The following CSNK2A2IP variants were observed in gnomAD, a reference collection of about 807,000 sequenced individuals.
CSNK2A2IP encodes the protein casein kinase II subunit alpha'-interacting protein.
At chr3:88,451,852 T>C in the CSNK2A2IP span, among the ~76,000 whole-genome samples, 1 of 152,030 alleles carries the variant, frequency 6.6e-6, no homozygotes, top group African/African-American at 2.4e-5. Context: ...TGTCTTTCAT[T>C]CCCTTCCTTA....
chr3:88,425,619 GC>G, the CSNK2A2IP span, among the ~76,000 whole-genome samples: 1 of 152,032 alleles, frequency 6.6e-6, no homozygotes, highest in South Asian at 2.1e-4. Context: ...TAGTGTAAAT[GC>G]CCAGACATGA....
chr3:88,354,876 CTT>C, the CSNK2A2IP span, among the ~76,000 whole-genome samples: 1 of 152,032 alleles, frequency 6.6e-6, no homozygotes, highest in Non-Finnish European at 1.5e-5. Context: ...AGAGAGATCT[CTT>C]GATGTCAAGG....
At chr3:88,426,711 G>A in the CSNK2A2IP span, among the ~76,000 whole-genome samples, 11 of 152,114 alleles carry the variant, frequency 7.2e-5, no homozygotes, top group Admixed American at 7.2e-4. Flanking sequence ...CTGCCATCAT[G>A]TGAAGAAGGA....
chr3:88,368,831 C>T, the CSNK2A2IP span, among the ~76,000 whole-genome samples: 1 of 152,022 alleles, frequency 6.6e-6, no homozygotes, highest in Non-Finnish European at 1.5e-5. Context: ...AGATCTTCCT[C>T]ATTCAAGTTT....
At chr3:88,407,399 G>C in the CSNK2A2IP span, among the ~76,000 whole-genome samples, 4 of 151,642 alleles carry the variant, frequency 2.6e-5, no homozygotes, top group Admixed American at 2.0e-4. Flanking sequence ...TGTTTTTATG[G>C]ATTGATACAA....
chr3:88,427,050 A>AAGAC, the CSNK2A2IP span, among the ~76,000 whole-genome samples: 8 of 152,164 alleles, frequency 5.3e-5, no homozygotes, highest in African/African-American at 1.9e-4. Flanking sequence ...GAGGGCTCAG[A>AAGAC]AGACAGAAAG....
the CSNK2A2IP span, among the ~76,000 whole-genome samples, chr3:88,352,887 G>A: frequency 6.6e-6 from 1 of 152,118 alleles, no homozygotes; most frequent in Non-Finnish European, 1.5e-5. Context: ...TGATATTGAG[G>A]TGTAAAACAA....
the CSNK2A2IP span, among the ~76,000 whole-genome samples, chr3:88,402,024 C>CTT: frequency 8.6e-5 from 12 of 140,256 alleles, no homozygotes; most frequent in African/African-American, 1.8e-4. Context: ...TCTGCTATGT[C>CTT]TTTTTTTTTT....
chr3:88,370,419 T>C, the CSNK2A2IP span, among the ~76,000 whole-genome samples: 3 of 151,880 alleles, frequency 2.0e-5, no homozygotes, highest in African/African-American at 7.2e-5. Flanking sequence ...GAAGTAATTT[T>C]TGCGTAAGAT....
At chr3:88,377,414 G>C in the CSNK2A2IP span, among the ~76,000 whole-genome samples, 1 of 151,386 alleles carries the variant, frequency 6.6e-6, no homozygotes, top group African/African-American at 2.4e-5. Flanking sequence ...ACATTTGTCT[G>C]CTTCTCTACA....
chr3:88,342,447 A>T, the CSNK2A2IP span, among the ~76,000 whole-genome samples: 1 of 151,570 alleles, frequency 6.6e-6, no homozygotes, highest in Admixed American at 6.6e-5. Flanking sequence ...TCTCACTTCC[A>T]TTTTCTGTAG....
At chr3:88,430,433 A>G in the CSNK2A2IP span, among the ~76,000 whole-genome samples, 1 of 152,138 alleles carries the variant, frequency 6.6e-6, no homozygotes, top group Non-Finnish European at 1.5e-5. Flanking sequence ...TACTATACAT[A>G]TAACAAGATA....
chr3:88,394,588 G>A, the CSNK2A2IP span, among the ~76,000 whole-genome samples: 1 of 152,138 alleles, frequency 6.6e-6, no homozygotes, highest in Non-Finnish European at 1.5e-5. Flanking sequence ...TGGCTAGGCT[G>A]GTCTCGAACT....
At chr3:88,338,656 C>G in the CSNK2A2IP span, 1 of 152,128 alleles carries the variant, frequency 6.6e-6, no homozygotes. Flanking sequence ...AAGTTCCTGG[C>G]TACATGGCTG....
At chr3:88,459,961 A>C in the CSNK2A2IP span, among the ~76,000 whole-genome samples, 1 of 152,212 alleles carries the variant, frequency 6.6e-6, no homozygotes. Flanking sequence ...AACTAAGTGA[A>C]TTGCTCTATT....
the CSNK2A2IP span, among the ~76,000 whole-genome samples, chr3:88,448,987 A>G: frequency 6.6e-6 from 1 of 152,044 alleles, no homozygotes; most frequent in South Asian, 2.1e-4. Flanking sequence ...GACAAGCTAT[A>G]TACTTCCTGA....
the CSNK2A2IP span, among the ~76,000 whole-genome samples, chr3:88,396,187 C>T: frequency 1.3e-5 from 2 of 148,670 alleles, 1 homozygote; most frequent in South Asian, 4.2e-4. Flanking sequence ...TCACTGCAGG[C>T]TCCGCCCCCT....
the CSNK2A2IP span, among the ~76,000 whole-genome samples, chr3:88,378,936 A>G: frequency 1.3e-5 from 2 of 152,122 alleles, no homozygotes; most frequent in African/African-American, 2.4e-5. Context: ...TTTCAAGATA[A>G]TAACAAACAT....
At chr3:88,458,141 GTTTTTTTTTTTT>G in the CSNK2A2IP span, among the ~76,000 whole-genome samples, 1 of 83,304 alleles carries the variant, frequency 1.2e-5, no homozygotes, top group Non-Finnish European at 2.2e-5. Flanking sequence ...TGTAATTGTG[GTTTTTTTTTTTT>G]TTTTTTTTTT....
Sources: gnomAD v4.1 joint callset for allele counts (sites outside exome capture counted in the v4.1 genomes callset) on GRCh38, gnomAD v4.1.1 for gene constraint, MANE v1.5 for transcripts, NCBI Gene and HGNC (gene_info 2026-07-23, HGNC 2026-07-21) for gene names.